Variants in EIF3J observed in about 807,000 individuals in gnomAD.
EIF3J encodes eukaryotic translation initiation factor 3, subunit 1 (alpha, 35kD).
A neutral mutation model predicts 39.0 loss-of-function variants in EIF3J; 15 were observed. The observed-to-expected ratio is 0.38, with a 90% CI of 0.26 to 0.59. The LOEUF (loss-of-function observed/expected upper bound fraction) is 0.59. EIF3J is among the 20% of genes least tolerant of loss of function. EIF3J has a pLI of 0.60. For synonymous variants in EIF3J, 98 were observed against 112.9 expected, an observed-to-expected ratio of 0.87 and a Z score of 0.84; for missense variants, 226 against 308.6, an observed-to-expected ratio of 0.73 and a Z score of 2.00.
chr15:44,544,264 T>G (rs1016617722), intron 2 of EIF3J, among the ~76,000 whole-genome samples: 4 of 151,418 alleles, frequency 2.6e-5, no homozygotes, highest in African/African-American at 9.7e-5. Context: ...CCTGCTAATT[T>G]TTTTTGTATT....
chr15:44,541,897 C>T (rs563813652), intron 2 of EIF3J, among the ~76,000 whole-genome samples: 1 of 152,208 alleles, frequency 6.6e-6, no homozygotes, highest in Non-Finnish European at 1.5e-5. Flanking sequence ...TCATTTCATA[C>T]CCTGCCACTT....
At chr15:44,558,003 G>C (rs2082159174) in intron 6 of EIF3J, 1 of 155,034 alleles carries the variant, frequency 6.5e-6, no homozygotes, top group Non-Finnish European at 1.4e-5. Context: ...TGGCACTGTA[G>C]GATTTGGGTT....
intron 6 of EIF3J, among the ~76,000 whole-genome samples, chr15:44,558,491 C>T (rs546367805): frequency 6.6e-5 from 10 of 151,828 alleles, no homozygotes; most frequent in East Asian, 5.8e-4. Flanking sequence ...ATCGTGCCAC[C>T]GCACTCCAGC....
chr15:44,546,616 A>G (rs1009022582), intron 2 of EIF3J, among the ~76,000 whole-genome samples: 3 of 152,038 alleles, frequency 2.0e-5, no homozygotes, highest in Non-Finnish European at 4.4e-5. Flanking sequence ...TTCAAATGGC[A>G]TGTCATAGTG....
chr15:44,538,509 A>G (rs1021689192), intron 2 of EIF3J, among the ~76,000 whole-genome samples: 1 of 152,196 alleles, frequency 6.6e-6, no homozygotes, highest in African/African-American at 2.4e-5. Context: ...GAAAAGTTTA[A>G]GCTAGATAAT....
chr15:44,560,430 C>A, intron 7 of EIF3J, 108 bp downstream of exon 7: 1 of 989,184 alleles, frequency 1.0e-6, no homozygotes. Flanking sequence ...TCAAGCAACT[C>A]ACTAATACCA....
intron 6 of EIF3J, 130 bp from the exon 7 acceptor site, chr15:44,560,119 G>T (rs949919440): frequency 1.1e-5 from 8 of 700,126 alleles, no homozygotes; most frequent in Non-Finnish European, 1.8e-5. Context: ...TGAACAAATT[G>T]GATTTCTCAT....
chr15:44,553,243 G>A (rs1033295133), intron 4 of EIF3J, among the ~76,000 whole-genome samples: 4 of 151,416 alleles, frequency 2.6e-5, no homozygotes, highest in African/African-American at 9.7e-5. Flanking sequence ...CTGTAATCCT[G>A]GCACTTTGGG....
At chr15:44,554,430 G>T (rs1595805683) in intron 4 of EIF3J, 123 bp from the exon 5 acceptor site, 3 of 325,066 alleles carry the variant, frequency 9.2e-6, no homozygotes, top group Non-Finnish European at 1.7e-5. Context: ...GCCTGAAACA[G>T]TAATTACCAG....
intron 2 of EIF3J, 123 bp from the exon 3 acceptor site, chr15:44,550,753 A>G: frequency 1.5e-6 from 1 of 669,568 alleles, no homozygotes; most frequent in Non-Finnish European, 2.6e-6. Context: ...ACATTAATTT[A>G]TAAATTTAAT....
At position 44,541,351 on chromosome 15, in the gene EIF3J, A is replaced by G. The variant is rs1207725402; in HGVS notation, c.147+3924A>G. 3.3e-5 allele frequency among the ~76,000 whole-genome samples: 5 copies of G among 152,236 alleles called. No homozygotes were observed. In the East Asian group the frequency reaches 9.6e-4, roughly 29 times the overall value. ...GAAGCTAGATTTATTCAAAGGGTAC[A>G]GAGTTTGCAGAAACTTATAGCTGTG... On this transcript the variant is annotated intron_variant, in intron 2 of 7. Transcript: ENST00000261868.
rs773044974 is a variant in EIF3J at position 44,561,125 on chromosome 15, A to G, written c.753A>G (p.Val251=). 8.9e-5 allele frequency: 144 copies of G among 1,612,792 alleles called. No individual in the cohort carries two copies. The highest frequency in any genetic ancestry group is 1.7e-4 in the Admixed American group (10 of 59,988). The change falls in exon 8 of 8, where the codon GTA becomes GTG. Residue 251 remains valine (V), a synonymous_variant. Coordinates refer to ENST00000261868, the MANE Select transcript of EIF3J (RefSeq NM_003758.4). ...ADYGGYDGGY[V]QDYEDFM is the part of the protein sequence containing the mutation. ...ATGGTGGTTATGATGGAGGATATGT[A>G]CAAGACTATGAAGACTTCATGTGAC... is the stretch of plus-strand genomic sequence containing the variant.
At chr15:44,539,732 CTTTT>C (rs77942286) in intron 2 of EIF3J, among the ~76,000 whole-genome samples, 6 of 129,238 alleles carry the variant, frequency 4.6e-5, no homozygotes, top group African/African-American at 5.7e-5. Context: ...ATTTCTTTTT[CTTTT>C]TTTTTTTTTT....
chr15:44,551,946 C>T (rs1289632396), intron 4 of EIF3J, among the ~76,000 whole-genome samples: 3 of 151,924 alleles, frequency 2.0e-5, no homozygotes, highest in African/African-American at 7.3e-5. Context: ...TCCCCTGCCT[C>T]AGCCTCCTGA....
intron 4 of EIF3J, among the ~76,000 whole-genome samples, chr15:44,553,190 C>CA (rs1189107657): frequency 6.4e-4 from 84 of 131,610 alleles, no homozygotes; most frequent in South Asian, 2.7e-3. Context: ...TGCCTCAAAA[C>CA]AAAAAAAAAA....
intron 5 of EIF3J, among the ~76,000 whole-genome samples, chr15:44,555,899 T>G (rs2082140675): frequency 6.6e-6 from 1 of 152,060 alleles, no homozygotes; most frequent in Non-Finnish European, 1.5e-5. Flanking sequence ...GGCTCTGTCA[T>G]CCAGGCTAGA....
At chr15:44,540,894 TGAAAG>T (rs1290230156) in intron 2 of EIF3J, among the ~76,000 whole-genome samples, 1 of 152,194 alleles carries the variant, frequency 6.6e-6, no homozygotes, top group East Asian at 1.9e-4. Flanking sequence ...TCCTGGGAAA[TGAAAG>T]GAAAACTGAT....
intron 2 of EIF3J, among the ~76,000 whole-genome samples, chr15:44,540,843 A>G (rs1363583297): frequency 6.6e-6 from 1 of 152,224 alleles, no homozygotes; most frequent in Non-Finnish European, 1.5e-5. Context: ...AGCATCTAGT[A>G]CTTAACCTTT....
chr15:44,547,440 C>CTTTTTT (rs986408245), intron 2 of EIF3J, among the ~76,000 whole-genome samples: 20 of 92,528 alleles, frequency 2.2e-4, no homozygotes, highest in East Asian at 3.7e-4. Context: ...GGCCTTGATT[C>CTTTTTT]TTTTTTTTTT....
Sources: gnomAD v4.1 joint callset for allele counts (sites outside exome capture counted in the v4.1 genomes callset) on GRCh38, gnomAD v4.1.1 for gene constraint, MANE v1.5 for transcripts, NCBI Gene and HGNC (gene_info 2026-07-23, HGNC 2026-07-21) for gene names.